SPG11: variants seen among roughly 807,000 people sequenced by gnomAD.
SPG11 encodes the protein SPG11 vesicle trafficking associated, spatacsin.
SPG11 carries 222 observed loss-of-function variants against 274.0 expected under a neutral mutation model. The observed-to-expected ratio is 0.81, with a 90% CI of 0.73 to 0.91. The LOEUF is 0.91. Ranked by LOEUF, SPG11 falls within the 40% of genes least tolerant of loss-of-function variation. The probability of loss-of-function intolerance (pLI) is 0.00; values close to 1 mark genes in which losing one functional copy is unlikely to be tolerated. For missense variants in SPG11, 3,114 were observed against 2,872.7 expected, an observed-to-expected ratio of 1.08 and a Z score of -1.92; for synonymous variants, 1,144 against 1,039.7, an observed-to-expected ratio of 1.10 and a Z score of -1.93.
intron 11 of SPG11, among the ~76,000 whole-genome samples, chr15:44,626,116 G>A (rs149620992): frequency 2.0e-5 from 3 of 151,796 alleles, no homozygotes; most frequent in East Asian, 3.9e-4. Context: ...GGCCTTAAGC[G>A]ATCTTCTTGC....
intron 18 of SPG11, among the ~76,000 whole-genome samples, chr15:44,609,051 G>C (rs755799660): frequency 1.3e-5 from 2 of 152,118 alleles, no homozygotes; most frequent in African/African-American, 2.4e-5. Context: ...CGTGTTTTAA[G>C]GTATACTGCA....
chr15:44,652,894 T>C (rs2084827734), intron 4 of SPG11, among the ~76,000 whole-genome samples: 1 of 152,134 alleles, frequency 6.6e-6, no homozygotes. Context: ...TGACTTCCAG[T>C]GATGTGCCTG....
At position 44,657,123 on chromosome 15, in the gene SPG11, C is replaced by A. The variant is rs754144151; in HGVS notation, c.841G>T (p.Val281Phe). 1.3e-5 allele frequency: 21 copies of A among 1,613,970 alleles called. No individual in the cohort carries two copies. The Admixed American group carries it at 1.5e-4, about 12-fold the overall frequency. Reference sequence around the variant, plus strand: ...AAATACAAATTTAAGTTAAGAGCAACTGCGGAGTTGGAGGAGCTGACAATC... The same window carrying A: ...AAATACAAATTTAAGTTAAGAGCAAATGCGGAGTTGGAGGAGCTGACAATC... ...AVIVSSSNSA[V>F]ALNLNLYFRQ... is the part of the protein sequence containing the mutation. The change falls in exon 4 of 40, where the codon GTT becomes TTT. Residue 281 changes from valine (V) to phenylalanine (F), a missense_variant. Transcript: ENST00000261866.
Position 44,621,953 on chromosome 15 carries a change from A to G in SPG11, c.2445-19T>C. ...CCAGTACCTAAAAACAGTGATATAA[A>G]TTTTTTTTTTTTTAATTTTGGAGAA... On this transcript the variant is annotated intron_variant, in intron 13 of 39. Transcript: ENST00000261866. The G allele has an allele frequency of 3.3e-6, 4 of 1,210,814 alleles. No individual in the cohort carries two copies. The highest frequency in any genetic ancestry group is 4.5e-6 in the Non-Finnish European group (4 of 879,742). 75.0% of individuals were successfully genotyped at this position (1,210,814 alleles called of 1,614,324 possible). A position where few individuals can be genotyped will look rare whatever the true frequency, so the allele number is the denominator to read the frequency against.
At chr15:44,578,713 G>A (rs1484616176) in intron 30 of SPG11, among the ~76,000 whole-genome samples, 1 of 152,180 alleles carries the variant, frequency 6.6e-6, no homozygotes, top group African/African-American at 2.4e-5. Context: ...ATGAACTAAT[G>A]TTAAAACCAC....
chr15:44,660,618 T>G lies in SPG11; in HGVS notation c.258-2A>C, dbSNP rs781665076. 19 of 1,613,770 alleles carry G rather than the reference T, an allele frequency of 1.2e-5. No individual in the cohort carries two copies. Among genetic ancestry groups the G allele is most frequent in the South Asian group, 1.1e-5 (1 of 91,070 alleles). On this transcript the variant is annotated splice_acceptor_variant, in intron 1 of 39. Coordinates refer to ENST00000261866, the MANE Select transcript of SPG11 (RefSeq NM_025137.4). LOFTEE classifies it high-confidence loss of function. ...TTACGAGAATCCTCCCATAGAAAGC[T>G]AAGAAAAAAAGTTTAGATTTATTAT...
intron 30 of SPG11, chr15:44,575,249 C>A: frequency 1.7e-6 from 1 of 584,726 alleles, no homozygotes. Context: ...CTTCAAAGAC[C>A]TCATATGCTA....
At position 44,609,615 on chromosome 15, in the gene SPG11, C is replaced by T. The variant is rs1333227800; in HGVS notation, c.3292-1010G>A. On this transcript the variant is annotated intron_variant, in intron 18 of 39. Transcript: ENST00000261866. ...GCCACAGATCTAAAGTATTCTTACTCCCAGAAGCAAGCAGATCCTAATTGT... is the reference window on the plus strand; with the variant it reads ...GCCACAGATCTAAAGTATTCTTACTTCCAGAAGCAAGCAGATCCTAATTGT... Among the ~76,000 whole-genome samples the T allele has an allele frequency of 3.3e-5, 5 of 152,150 alleles. No individual in the cohort carries two copies. The Middle Eastern group carries it at 0.014, about 414-fold the overall frequency.
rs368276916 is a variant in SPG11, at chr15:44,589,270, C to G, written c.4888G>C (p.Glu1630Gln). 16 of 1,614,004 alleles carry G rather than the reference C, an allele frequency of 9.9e-6. No individual in the cohort carries two copies. The East Asian group carries it at 2.9e-4, about 29-fold the overall frequency. Residue 1630 changes from glutamate to glutamine, a missense_variant, in exon 28 of 40, where the codon GAG becomes CAG. By Grantham distance (29) the Glu-to-Gln change is conservative. Coordinates refer to ENST00000261866, the MANE Select transcript of SPG11 (RefSeq NM_025137.4). ...GTCTTACCATCAGAGAAGAGATGCT[C>G]TCTTTCAACAAAGAGCTGTAAAAGC... is the stretch of plus-strand genomic sequence containing the variant. ...GKLLQLFVER[E>Q]HLFSDGPDVK...
intron 39 of SPG11, among the ~76,000 whole-genome samples, chr15:44,564,057 G>A (rs902718944): frequency 5.3e-5 from 8 of 152,058 alleles, no homozygotes; most frequent in South Asian, 2.1e-4. Context: ...ATAGTGGCAC[G>A]ATCTCAGCTT....
At chr15:44,610,505 C>T (rs1387516852) in intron 18 of SPG11, among the ~76,000 whole-genome samples, 1 of 152,138 alleles carries the variant, frequency 6.6e-6, no homozygotes, top group Non-Finnish European at 1.5e-5. Context: ...GCCTCAGCCT[C>T]CCCAGTAGCT....
chr15:44,616,952 T>C (rs2083605741), intron 15 of SPG11, among the ~76,000 whole-genome samples: 1 of 152,234 alleles, frequency 6.6e-6, no homozygotes, highest in Non-Finnish European at 1.5e-5. Context: ...TTTTCCTATA[T>C]TGATTAGCCA....
In SPG11 at chr15:44,626,845, A is replaced by AACT. The variant is rs1288688814; in HGVS notation, c.2068-339_2068-338insAGT. ...TCCCCCCACATAGGCTTGCTAGTAG[A>AACT]AGTAACTAGTAACTGATGGGCAAAA... On this transcript the variant is annotated intron_variant, in intron 10 of 39. Coordinates refer to ENST00000261866, the MANE Select transcript of SPG11 (RefSeq NM_025137.4). 5.3e-5 allele frequency among the ~76,000 whole-genome samples: 8 copies of AACT among 152,036 alleles called. No individual in the cohort carries two copies. In the East Asian group the frequency reaches 1.4e-3, roughly 26 times the overall value.
chr15:44,584,348 A>G lies in SPG11; in HGVS notation c.5332T>C (p.Leu1778=). ...TCCTGGGCAAGCCAGTGCCCTGCCAAGGTGAGCAGCAGATGGCGCTCCTCC... is the reference window on the plus strand; with the variant it reads ...TCCTGGGCAAGCCAGTGCCCTGCCAGGGTGAGCAGCAGATGGCGCTCCTCC... ...SMEERHLLLT[L]AGHWLAQEDV... is the part of the protein sequence containing the mutation. The change falls in exon 30 of 40, where the codon TTG becomes CTG. Residue 1778 remains leucine, a synonymous_variant. Coordinates refer to ENST00000261866, the MANE Select transcript of SPG11 (RefSeq NM_025137.4). 1 of 1,611,092 alleles carries G rather than the reference A, an allele frequency of 6.2e-7. No homozygotes were observed. Among genetic ancestry groups the G allele is most frequent in the Non-Finnish European group, 8.5e-7 (1 of 1,177,902 alleles).
intron 8 of SPG11, among the ~76,000 whole-genome samples, chr15:44,631,371 A>G (rs1470130951): frequency 6.6e-6 from 1 of 152,236 alleles, no homozygotes; most frequent in Non-Finnish European, 1.5e-5. Context: ...CAGATTATAA[A>G]ACCGTATTTA....
rs2083031803 is a variant in SPG11, at chr15:44,596,150, T to G, written c.4367A>C (p.His1456Pro). Residue 1456 changes from histidine (H) to proline (P), a missense_variant, in exon 25 of 40, where the codon CAC (histidine) becomes CCC (proline). Coordinates refer to ENST00000261866, the MANE Select transcript of SPG11 (RefSeq NM_025137.4). Reference sequence around the variant, plus strand: ...TTTCACTGCTTCAACCAGAAGCCAGTGCCAGGAGTCTGGCTCCTCTGAGCA... The same window carrying G: ...TTTCACTGCTTCAACCAGAAGCCAGGGCCAGGAGTCTGGCTCCTCTGAGCA... Reference protein sequence around the residue: ...LQCSEEPDSWHWLLVEAVKQQ... With the variant: ...LQCSEEPDSWPWLLVEAVKQQ... 6.2e-7 allele frequency: 1 copy of G among 1,614,050 alleles called. No individual in the cohort carries two copies. Among genetic ancestry groups the G allele is most frequent in the South Asian group, 1.1e-5 (1 of 91,090 alleles).
intron 6 of SPG11, 89 bp downstream of exon 6, chr15:44,651,402 G>T: frequency 8.9e-7 from 1 of 1,121,226 alleles, no homozygotes; most frequent in Non-Finnish European, 1.3e-6. Flanking sequence ...CCACTTAAAG[G>T]CAAGAGCAGG....
chr15:44,621,447 G>T, intron 14 of SPG11: 1 of 343,154 alleles, frequency 2.9e-6, no homozygotes, highest in Non-Finnish European at 5.5e-6. Flanking sequence ...CATATCAGAT[G>T]GCATAGATCC....
At position 44,584,441 on chromosome 15, in the gene SPG11, C is replaced by A; in HGVS notation, c.5239G>T (p.Ala1747Ser). The part of the protein sequence containing the change: ...NFKKNSISSK[A>S]ASSFFSTQAH... Reference sequence around the variant, plus strand: ...TGGGTTGAGAAAAAGGAAGAAGCTGCTTTGCTTGAAATTGAATTTTTCTTA... The same window carrying A: ...TGGGTTGAGAAAAAGGAAGAAGCTGATTTGCTTGAAATTGAATTTTTCTTA... Residue 1747 changes from alanine to serine, a missense_variant, in exon 30 of 40, where the codon GCA becomes TCA. Ala to Ser is a moderately conservative substitution (Grantham distance 99). Coordinates refer to ENST00000261866, the MANE Select transcript of SPG11 (RefSeq NM_025137.4). 1 of 1,614,192 alleles carries A rather than the reference C, an allele frequency of 6.2e-7. No individual in the cohort carries two copies.
Sources: allele counts gnomAD v4.1 joint callset (sites outside exome capture counted in the v4.1 genomes callset), GRCh38; gene constraint gnomAD v4.1.1; transcripts MANE v1.5; gene names NCBI Gene and HGNC (gene_info 2026-07-23, HGNC 2026-07-21).